Variants in DAGLA observed in about 807,000 individuals in gnomAD.
DAGLA encodes the protein diacylglycerol lipase-alpha.
DAGLA carries 22 observed loss-of-function variants against 102.6 expected under a neutral mutation model. The observed-to-expected ratio is 0.21, with a 90% CI of 0.15 to 0.31. The LOEUF is 0.31. Ranked by LOEUF, DAGLA falls within the 10% of genes least tolerant of loss-of-function variation. DAGLA has a pLI of 1.00. For synonymous variants in DAGLA, 578 were observed against 628.9 expected, an observed-to-expected ratio of 0.92 and a Z score of 1.21; for missense variants, 927 against 1,446.6, an observed-to-expected ratio of 0.64 and a Z score of 5.83.
Position 61,741,260 on chromosome 11 carries a change from C to A in DAGLA, c.2082C>A (p.Phe694Leu). The A allele has an allele frequency of 6.2e-7, 1 of 1,613,174 alleles. No individual in the cohort carries two copies. The highest frequency in any genetic ancestry group is 1.1e-5 in the South Asian group (1 of 91,086). ...TEVDLTPELI[F>L]QQQPLPTGPP... is the part of the protein sequence containing the mutation. ...TGGACCTGACTCCTGAGCTCATCTT[C>A]CAGCAGCAGCCACTCCCCACGGGGC... The change falls in exon 19 of 20, where the codon TTC becomes TTA. Residue 694 changes from phenylalanine to leucine, a missense_variant. Coordinates refer to ENST00000257215, the MANE Select transcript of DAGLA (RefSeq NM_006133.3).
chr11:61,713,850 G>A (rs2065213849), intron 1 of DAGLA, among the ~76,000 whole-genome samples: 1 of 152,178 alleles, frequency 6.6e-6, no homozygotes, highest in African/African-American at 2.4e-5. Flanking sequence ...GCCCAACAAG[G>A]CACATTCAAA....
At chr11:61,700,205 G>A (rs1309338524) in intron 1 of DAGLA, among the ~76,000 whole-genome samples, 1 of 151,752 alleles carries the variant, frequency 6.6e-6, no homozygotes, top group Non-Finnish European at 1.5e-5. Flanking sequence ...TGGGGGTGAC[G>A]GGATGCATCA....
chr11:61,740,437 C>G, intron 17 of DAGLA, 26 bp from the exon 18 acceptor site: 2 of 1,609,556 alleles, frequency 1.2e-6, no homozygotes, highest in Non-Finnish European at 1.7e-6. Context: ...CCACCCTTAA[C>G]TCCCCTCTGT....
intron 1 of DAGLA, among the ~76,000 whole-genome samples, chr11:61,706,511 G>A (rs1202929462): frequency 3.9e-5 from 6 of 152,112 alleles, no homozygotes; most frequent in Non-Finnish European, 8.8e-5. Context: ...GTGGTTGGGG[G>A]TGGGCTCTAA....
intron 1 of DAGLA, among the ~76,000 whole-genome samples, chr11:61,685,815 C>T (rs947086667): frequency 8.6e-6 from 1 of 116,264 alleles, no homozygotes; most frequent in African/African-American, 3.3e-5. Flanking sequence ...GCAACGGGGG[C>T]GGGTTGGCGG....
chr11:61,701,503 A>T (rs925123845), intron 1 of DAGLA, among the ~76,000 whole-genome samples: 1 of 152,200 alleles, frequency 6.6e-6, no homozygotes, highest in African/African-American at 2.4e-5. Flanking sequence ...AGCAGCCGGG[A>T]TTCGATGAGC....
chr11:61,715,487 G>A (rs1333332053), intron 1 of DAGLA, among the ~76,000 whole-genome samples: 1 of 152,192 alleles, frequency 6.6e-6, no homozygotes. Context: ...GGGAGCTCTT[G>A]GAGCCCCATC....
chr11:61,705,753 A>G (rs1292245982), intron 1 of DAGLA, among the ~76,000 whole-genome samples: 6 of 152,192 alleles, frequency 3.9e-5, no homozygotes, highest in Admixed American at 1.3e-4. Flanking sequence ...TGGATGGAGA[A>G]TGGCTGCATG....
chr11:61,726,349 TA>T (rs5792232), intron 6 of DAGLA, among the ~76,000 whole-genome samples: 148,423 of 152,346 alleles, frequency 0.97, 72,419 homozygotes, highest in East Asian at 1. Context: ...TACTCTAGTT[TA>T]AGGAGAAGAA....
In DAGLA at chr11:61,744,171, G is replaced by C; in HGVS notation, c.2811G>C (p.Val937=). 1 of 1,613,054 alleles carries C rather than the reference G, an allele frequency of 6.2e-7. No homozygotes were observed. The highest frequency in any genetic ancestry group is 8.5e-7 in the Non-Finnish European group (1 of 1,179,986). ...SSSFQDLYCM[V]VPESPTSDYA... ...CCTTCCAAGACCTCTACTGCATGGT[G>C]GTGCCCGAGAGCCCCACCAGTGACT... Residue 937 remains valine (V), a synonymous_variant, in exon 20 of 20, where the codon GTG becomes GTC. Transcript: ENST00000257215.
In DAGLA at chr11:61,728,950, C is replaced by T. The variant is rs770183389; in HGVS notation, c.791C>T (p.Ala264Val). The change falls in exon 8 of 20, where the codon GCC becomes GTC. Residue 264 changes from alanine (A) to valine (V), a missense_variant. Coordinates refer to ENST00000257215, the MANE Select transcript of DAGLA (RefSeq NM_006133.3). ...TTACAGGCAAACAATGACATCTTGG[C>T]CTTCCTGTCTGGGATGCCGGTGACC... The part of the protein sequence containing the change: ...VLDEANNDIL[A>V]FLSGMPVTRN... 8 of 1,614,204 alleles carry T rather than the reference C, an allele frequency of 5.0e-6. No homozygotes were observed. In the South Asian group the frequency reaches 6.6e-5, roughly 13 times the overall value.
At chr11:61,691,797 A>G (rs1031566882) in intron 1 of DAGLA, among the ~76,000 whole-genome samples, 4 of 152,248 alleles carry the variant, frequency 2.6e-5, no homozygotes, top group Non-Finnish European at 5.9e-5. Flanking sequence ...TGCCTGTTGC[A>G]GCTCCTGCTG....
chr11:61,728,081 G>A, intron 6 of DAGLA, 72 bp from the exon 7 acceptor site: 1 of 1,568,774 alleles, frequency 6.4e-7, no homozygotes, highest in Non-Finnish European at 8.7e-7. Flanking sequence ...CAGCCCTGGG[G>A]GATTTACTCC....
intron 1 of DAGLA, among the ~76,000 whole-genome samples, chr11:61,714,570 G>A (rs1480931878): frequency 3.3e-5 from 5 of 152,246 alleles, no homozygotes; most frequent in Non-Finnish European, 5.9e-5. Context: ...GTGGTGACAC[G>A]CTACTAATGC....
At chr11:61,720,564 G>A in intron 2 of DAGLA, 115 bp from the exon 3 acceptor site, 1 of 942,618 alleles carries the variant, frequency 1.1e-6, no homozygotes, top group Non-Finnish European at 1.6e-6. Flanking sequence ...TGGAGGAGGT[G>A]CCTGCTGCCA....
intron 1 of DAGLA, among the ~76,000 whole-genome samples, chr11:61,719,306 G>T (rs542009153): frequency 1.3e-5 from 2 of 152,200 alleles, no homozygotes; most frequent in South Asian, 4.2e-4. Context: ...GGCTTGGGAG[G>T]TATGGTTGCC....
chr11:61,720,318 C>A, intron 2 of DAGLA, 68 bp downstream of exon 2: 1 of 1,493,662 alleles, frequency 6.7e-7, no homozygotes, highest in Non-Finnish European at 9.3e-7. Flanking sequence ...CGCTTTCTGG[C>A]CATTTGTTCC....
At chr11:61,724,191 G>A (rs2065306359) in intron 5 of DAGLA, among the ~76,000 whole-genome samples, 1 of 152,182 alleles carries the variant, frequency 6.6e-6, no homozygotes, top group Non-Finnish European at 1.5e-5. Context: ...ATGTTTTAAA[G>A]ATGGGGGAAA....
intron 1 of DAGLA, among the ~76,000 whole-genome samples, chr11:61,702,858 G>A (rs1387794701): frequency 2.0e-5 from 3 of 152,340 alleles, no homozygotes; most frequent in African/African-American, 7.2e-5. Flanking sequence ...ATTACCACAG[G>A]CAAATCACCC....
Sources: allele counts gnomAD v4.1 joint callset (sites outside exome capture counted in the v4.1 genomes callset), GRCh38; gene constraint gnomAD v4.1.1; transcripts MANE v1.5; gene names NCBI Gene and HGNC (gene_info 2026-07-23, HGNC 2026-07-21).